Variants in ALDH1L2 observed in about 807,000 individuals in gnomAD.
The protein encoded by ALDH1L2 is aldehyde dehydrogenase 1 family member L2.
Under a neutral mutation model 111.0 loss-of-function variants are expected in ALDH1L2, and 91 were observed. That is an observed-to-expected ratio of 0.82 (90% CI 0.69 to 0.98). The LOEUF (loss-of-function observed/expected upper bound fraction) is 0.98, where lower values mean the gene tolerates loss of function less well. Ranked by LOEUF, ALDH1L2 falls within the 50% of genes least tolerant of loss-of-function variation. The probability of loss-of-function intolerance (pLI) is 0.00; values close to 1 mark genes in which losing one functional copy is unlikely to be tolerated. For synonymous variants in ALDH1L2, 374 were observed against 392.6 expected (o/e 0.95, Z 0.56); for missense variants, 995 against 1,126.8 (o/e 0.88, Z 1.67).
At chr12:105,048,634 T>G (rs761663443) in intron 13 of ALDH1L2, 1 of 152,202 alleles carries the variant, frequency 6.6e-6, no homozygotes, top group Non-Finnish European at 1.5e-5. Context: ...CTGGAGCTAG[T>G]GTTGTTGCCG....
chr12:105,077,578 C>T lies in ALDH1L2; in HGVS notation c.49-3573G>A, dbSNP rs116380629. Among the ~76,000 whole-genome samples, 815 of 152,106 alleles carry T rather than the reference C, an allele frequency of 5.4e-3. 8 individuals carry two copies. The highest frequency in any genetic ancestry group is 0.018 in the African/African-American group (767 of 41,478). ...ACAGGCGTGAGCCACCACGCCCGAC[C>T]TTGTTTCTTTAGAGAGAACATTCTT... On this transcript the variant is annotated intron_variant, in intron 1 of 22. Coordinates refer to ENST00000258494, the MANE Select transcript of ALDH1L2 (RefSeq NM_001034173.4).
chr12:105,074,376 T>G (rs934912306), intron 1 of ALDH1L2, among the ~76,000 whole-genome samples: 1 of 143,728 alleles, frequency 7.0e-6, no homozygotes, highest in Non-Finnish European at 1.5e-5. Flanking sequence ...GAGAATCTCT[T>G]GAACCCGGGA....
chr12:105,046,193 C>CTCTCTCTCTCTATATATATATATA (rs1256472590), intron 15 of ALDH1L2, among the ~76,000 whole-genome samples: 1 of 20,184 alleles, frequency 5.0e-5, no homozygotes, highest in African/African-American at 2.3e-4. Flanking sequence ...CTCTCTCTCT[C>CTCTCTCTCTCTATATATATATATA]TATATATATA....
At position 105,022,040 on chromosome 12, in the gene ALDH1L2, A is replaced by G. The variant is rs1874188183; in HGVS notation, c.*2384T>C. The G allele has an allele frequency of 6.6e-6, 1 of 152,238 alleles. No homozygotes were observed. Among genetic ancestry groups the G allele is most frequent in the South Asian group, 2.1e-4 (1 of 4,832 alleles). 9.4% of individuals were successfully genotyped at this position (152,238 alleles called of 1,614,324 possible). A position where few individuals can be genotyped will look rare whatever the true frequency, so the allele number is the denominator to read the frequency against. On this transcript the variant is annotated 3_prime_UTR_variant, in exon 23 of 23. Transcript: ENST00000258494. ...ATAAGATCACAGCTTCATCCTTAGC[A>G]TTATTAGCAAAATAATCCGTGATCT... is the stretch of plus-strand genomic sequence containing the variant.
At chr12:105,047,153 A>T (rs1374839436) in intron 13 of ALDH1L2, among the ~76,000 whole-genome samples, 184 bp from the exon 14 acceptor site, 2 of 152,236 alleles carry the variant, frequency 1.3e-5, no homozygotes, top group Non-Finnish European at 2.9e-5. Context: ...AGAACCATGA[A>T]ACACAGAAGA....
Position 105,058,096 on chromosome 12 carries a change from C to G in ALDH1L2, c.1264G>C (p.Glu422Gln). Residue 422 changes from glutamate (E) to glutamine (Q), a missense_variant, in exon 10 of 23, where the codon GAG becomes CAG. Transcript: ENST00000258494. Reference protein sequence around the residue: ...VVRKLRGEDQEVELVVDYISK... With the variant: ...VVRKLRGEDQQVELVVDYISK... The stretch of plus-strand genomic sequence containing the variant: ...ACATAATCTACAACCAGCTCCACCT[C>G]TTGATCTTCTCCTCTCAGTTTCCTC... The G allele has an allele frequency of 6.2e-7, 1 of 1,613,302 alleles. No individual in the cohort carries two copies. Among genetic ancestry groups the G allele is most frequent in the Non-Finnish European group, 8.5e-7 (1 of 1,179,706 alleles).
chr12:105,077,768 A>G (rs1455884396), intron 1 of ALDH1L2, among the ~76,000 whole-genome samples: 6 of 151,526 alleles, frequency 4.0e-5, no homozygotes, highest in African/African-American at 1.5e-4. Flanking sequence ...AGGTACACAT[A>G]GCTTTCCAAA....
Position 105,026,574 on chromosome 12 carries a change from A to C in ALDH1L2, c.2687T>G (p.Val896Gly). The change falls in exon 22 of 23, where the codon GTT becomes GGT. Residue 896 changes from valine (V) to glycine (G), a missense_variant. Transcript: ENST00000258494. ...KTDVAAPFGG[V>G]KQSGFGKDLG... ...GTCTTTTCCAAAGCCAGATTGTTTA[A>C]CTCCGCCAAATGGGGCCGCCACATC... 1 of 1,614,006 alleles carries C rather than the reference A, an allele frequency of 6.2e-7. No homozygotes were observed.
chr12:105,081,008 T>A (rs1358188912), intron 1 of ALDH1L2, among the ~76,000 whole-genome samples: 2 of 152,212 alleles, frequency 1.3e-5, no homozygotes, highest in African/African-American at 4.8e-5. Flanking sequence ...CCATAAACAA[T>A]ACAGTGGGAC....
chr12:105,057,616 T>C (rs1378279719), intron 10 of ALDH1L2, among the ~76,000 whole-genome samples: 1 of 152,198 alleles, frequency 6.6e-6, no homozygotes, highest in Non-Finnish European at 1.5e-5. Context: ...GGATGAACGT[T>C]GGACACATTA....
chr12:105,052,809 C>T lies in ALDH1L2; in HGVS notation c.1407+3G>A, dbSNP rs765927143. 2 of 1,613,892 alleles carry T rather than the reference C, an allele frequency of 1.2e-6. No individual in the cohort carries two copies. Among genetic ancestry groups the T allele is most frequent in the East Asian group, 2.2e-5 (1 of 44,880 alleles). On this transcript the variant is annotated splice_donor_region_variant and intron_variant, in intron 11 of 22. Coordinates refer to ENST00000258494, the MANE Select transcript of ALDH1L2 (RefSeq NM_001034173.4). The stretch of plus-strand genomic sequence containing the variant: ...TCACTACTCACACTAAAGAATTACT[C>T]ACAGATCCATCTGTTGGGTTGATAG...
chr12:105,052,780 G>A, intron 11 of ALDH1L2, 32 bp downstream of exon 11: 2 of 1,611,962 alleles, frequency 1.2e-6, no homozygotes, highest in Non-Finnish European at 1.7e-6. Context: ...TCCATGACCA[G>A]TGATCACTAC....
At chr12:105,036,532 A>G (rs1473159750) in intron 18 of ALDH1L2, among the ~76,000 whole-genome samples, 1 of 26,352 alleles carries the variant, frequency 3.8e-5, no homozygotes, top group African/African-American at 3.2e-4. Flanking sequence ...ATATATATAT[A>G]TATATATATA....
At chr12:105,080,598 A>G (rs976186739) in intron 1 of ALDH1L2, among the ~76,000 whole-genome samples, 1 of 152,204 alleles carries the variant, frequency 6.6e-6, no homozygotes, top group African/African-American at 2.4e-5. Context: ...AATGGTCATA[A>G]TAATCTAGGT....
At chr12:105,081,018 C>T (rs1004833770) in intron 1 of ALDH1L2, among the ~76,000 whole-genome samples, 3 of 152,120 alleles carry the variant, frequency 2.0e-5, no homozygotes, top group African/African-American at 4.8e-5. Context: ...TACAGTGGGA[C>T]AATTATTTAC....
intron 2 of ALDH1L2, among the ~76,000 whole-genome samples, chr12:105,073,015 C>T (rs114080044): frequency 2.0e-3 from 301 of 152,288 alleles, no homozygotes; most frequent in African/African-American, 6.9e-3. Flanking sequence ...CTGAGACATC[C>T]AGGTGTTGAG....
At position 105,062,976 on chromosome 12, in the gene ALDH1L2, G is replaced by A. The variant is rs149557935; in HGVS notation, c.833C>T (p.Pro278Leu). 7.7e-5 allele frequency: 125 copies of A among 1,614,142 alleles called. No individual in the cohort carries two copies. The African/African-American group carries it at 1.2e-3, about 15-fold the overall frequency. Residue 278 changes from proline (P) to leucine (L), a missense_variant, in exon 7 of 23, where the codon CCT becomes CTT. Pro to Leu is a moderately conservative substitution (Grantham distance 98, BLOSUM62 -3). Transcript: ENST00000258494. ...GSTLLNSSVP[P>L]GEPLEIKGAK... ...ACCTTTAATTTCCAGTGGTTCTCCA[G>A]GAGGCACAGAGCTATTCAGTAATGT... is the stretch of plus-strand genomic sequence containing the variant.
chr12:105,037,926 G>A (rs1022745101), intron 18 of ALDH1L2, among the ~76,000 whole-genome samples, 177 bp downstream of exon 18: 1 of 151,914 alleles, frequency 6.6e-6, no homozygotes, highest in Non-Finnish European at 1.5e-5. Flanking sequence ...CACCACGCAC[G>A]GCTAATGTTT....
chr12:105,072,959 G>A (rs771045598), intron 2 of ALDH1L2, among the ~76,000 whole-genome samples: 7 of 152,188 alleles, frequency 4.6e-5, no homozygotes, highest in Non-Finnish European at 8.8e-5. Context: ...GGGCAACAGA[G>A]TTAGACTCTG....
Sources: gnomAD v4.1 joint callset for allele counts (sites outside exome capture counted in the v4.1 genomes callset) on GRCh38, gnomAD v4.1.1 for gene constraint, MANE v1.5 for transcripts, NCBI Gene and HGNC (gene_info 2026-07-23, HGNC 2026-07-21) for gene names.